Variants in MOSMO observed in about 807,000 individuals in gnomAD.
MOSMO encodes modulator of smoothened protein.
In MOSMO, 5 loss-of-function variants were observed where a neutral mutation model predicts 18.4. That is an observed-to-expected ratio of 0.27 (90% confidence interval 0.14 to 0.57). MOSMO has a LOEUF of 0.57. MOSMO is among the 20% of genes least tolerant of loss of function. The probability of loss-of-function intolerance (pLI) is 0.92; values close to 1 mark genes in which losing one functional copy is unlikely to be tolerated. For synonymous variants in MOSMO, 82 were observed against 82.3 expected (o/e 1.00, Z 0.02); for missense variants, 138 against 211.8 (o/e 0.65, Z 2.16).
intron 1 of MOSMO, among the ~76,000 whole-genome samples, chr16:22,050,750 G>T (rs1900406806): frequency 2.0e-5 from 3 of 151,976 alleles, no homozygotes; most frequent in African/African-American, 7.2e-5. Context: ...GGATGTGGTG[G>T]TACATGCCTG....
At chr16:22,016,086 C>T (rs1567498610) in intron 1 of MOSMO, among the ~76,000 whole-genome samples, 1 of 152,244 alleles carries the variant, frequency 6.6e-6, no homozygotes, top group South Asian at 2.1e-4. Flanking sequence ...TGTTTAATCC[C>T]TTTCCTGGTA....
intron 1 of MOSMO, among the ~76,000 whole-genome samples, chr16:22,047,627 G>A (rs1900340221): frequency 6.6e-6 from 1 of 152,110 alleles, no homozygotes; most frequent in Non-Finnish European, 1.5e-5. Flanking sequence ...GAACATCTTT[G>A]TACCTGTTTC....
At chr16:22,025,019 G>A (rs569253325) in intron 1 of MOSMO, among the ~76,000 whole-genome samples, 7 of 151,862 alleles carry the variant, frequency 4.6e-5, no homozygotes, top group African/African-American at 1.7e-4. Flanking sequence ...TAGTCATGAT[G>A]ATGTGTGCCT....
intron 1 of MOSMO, among the ~76,000 whole-genome samples, chr16:22,048,562 C>G (rs768977851): frequency 6.6e-6 from 1 of 152,132 alleles, no homozygotes; most frequent in African/African-American, 2.4e-5. Flanking sequence ...AACATCTTTT[C>G]ATGTTACTGG....
chr16:22,045,054 A>G (rs946720963), intron 1 of MOSMO, among the ~76,000 whole-genome samples: 1 of 151,866 alleles, frequency 6.6e-6, no homozygotes, highest in African/African-American at 2.4e-5. Context: ...GTATGGTGGT[A>G]CATGCCTGTA....
At chr16:22,016,594 A>G (rs1162988820) in intron 1 of MOSMO, among the ~76,000 whole-genome samples, 1 of 152,150 alleles carries the variant, frequency 6.6e-6, no homozygotes, top group Non-Finnish European at 1.5e-5. Flanking sequence ...TTGGGTTTTT[A>G]TGTTTCTGGA....
At chr16:22,018,237 A>G (rs1313131982) in intron 1 of MOSMO, among the ~76,000 whole-genome samples, 2 of 152,218 alleles carry the variant, frequency 1.3e-5, no homozygotes, top group African/African-American at 2.4e-5. Flanking sequence ...AGGAGTAGAA[A>G]AAAATGCAGT....
downstream of MOSMO, chr16:22,085,801 T>A (rs1901161311): frequency 6.6e-6 from 1 of 152,142 alleles, no homozygotes; most frequent in African/African-American, 2.4e-5. Context: ...GTATATTTTT[T>A]AAGAGTTTTG....
At chr16:22,012,448 CAAT>C (rs1340385111) in intron 1 of MOSMO, among the ~76,000 whole-genome samples, 1 of 151,994 alleles carries the variant, frequency 6.6e-6, no homozygotes, top group Non-Finnish European at 1.5e-5. Flanking sequence ...AGTAAATGCT[CAAT>C]AAAAATTACA....
chr16:22,058,362 G>A (rs1287348610), intron 1 of MOSMO, among the ~76,000 whole-genome samples: 1 of 151,020 alleles, frequency 6.6e-6, no homozygotes, highest in South Asian at 2.1e-4. Context: ...GGAGGCGGAG[G>A]TTGCAGTGAG....
chr16:22,021,649 T>C (rs558980560), intron 1 of MOSMO, among the ~76,000 whole-genome samples: 1 of 152,018 alleles, frequency 6.6e-6, no homozygotes, highest in South Asian at 2.1e-4. Flanking sequence ...AATACAAAAA[T>C]TAACCCGGCG....
intron 1 of MOSMO, among the ~76,000 whole-genome samples, chr16:22,059,974 C>T (rs1454057352): frequency 6.6e-6 from 1 of 152,088 alleles, no homozygotes; most frequent in African/African-American, 2.4e-5. Flanking sequence ...CTCAGGAGTT[C>T]GAGACCAGGC....
intron 1 of MOSMO, among the ~76,000 whole-genome samples, chr16:22,012,625 G>A (rs577323771): frequency 8.6e-5 from 13 of 150,962 alleles, no homozygotes; most frequent in Admixed American, 7.3e-4. Flanking sequence ...TTAAATATAT[G>A]TCCCTCTTGG....
intron 1 of MOSMO, among the ~76,000 whole-genome samples, chr16:22,042,269 G>C (rs1900224382): frequency 6.6e-6 from 1 of 152,160 alleles, no homozygotes; most frequent in Admixed American, 6.5e-5. Context: ...ATTCTGCTAA[G>C]TAGGTGGCAT....
At chr16:22,057,107 T>TAGAG (rs547993949) in intron 1 of MOSMO, among the ~76,000 whole-genome samples, 3 of 151,606 alleles carry the variant, frequency 2.0e-5, no homozygotes, top group Non-Finnish European at 2.9e-5. Flanking sequence ...CTTAGTATTT[T>TAGAG]AGAGAGAGAG....
chr16:22,034,634 C>T (rs979952040), intron 1 of MOSMO, among the ~76,000 whole-genome samples: 5 of 150,746 alleles, frequency 3.3e-5, no homozygotes, highest in African/African-American at 1.2e-4. Flanking sequence ...TCAGTATTTC[C>T]TCTTTATCTT....
intron 2 of MOSMO, 154 bp downstream of exon 2, chr16:22,075,853 A>G (rs1900957495): frequency 3.4e-6 from 2 of 584,964 alleles, no homozygotes; most frequent in Non-Finnish European, 6.1e-6. Context: ...CAGTCCCATC[A>G]TTTCTTCAAA....
At chr16:22,033,642 C>T (rs1009703273) in intron 1 of MOSMO, among the ~76,000 whole-genome samples, 3 of 151,422 alleles carry the variant, frequency 2.0e-5, no homozygotes, top group Non-Finnish European at 4.4e-5. Flanking sequence ...CTTGAAACCC[C>T]GTCTCTACTA....
chr16:22,011,886 T>C (rs7199975), intron 1 of MOSMO, among the ~76,000 whole-genome samples: 97,564 of 148,782 alleles, frequency 0.66, 33,653 homozygotes, highest in Non-Finnish European at 0.77. Flanking sequence ...TGCTTGAGCT[T>C]GTATGCTGTA....
Sources: allele counts gnomAD v4.1 joint callset (sites outside exome capture counted in the v4.1 genomes callset), GRCh38; gene constraint gnomAD v4.1.1; transcripts MANE v1.5; gene names NCBI Gene and HGNC (gene_info 2026-07-23, HGNC 2026-07-21).